The following PCDHA6 variants were observed in gnomAD, a reference collection of about 807,000 sequenced individuals.
The protein encoded by PCDHA6 is protocadherin alpha-6.
In PCDHA6, 55 loss-of-function variants were observed where a neutral mutation model predicts 60.3. The ratio of observed to expected loss-of-function variants is 0.91; its 90% CI spans 0.73 to 1.14. The LOEUF (loss-of-function observed/expected upper bound fraction) is 1.14. Among genes scored for constraint, PCDHA6 ranks in the 50% most tolerant of loss-of-function variants. The pLI is 0.00. For synonymous variants in PCDHA6, 652 were observed against 557.9 expected (o/e 1.17, Z -2.38); for missense variants, 1,327 against 1,256.5 (o/e 1.06, Z -0.85).
chr5:140,989,235 T>G (rs1408596966), intron 3 of PCDHA6, among the ~76,000 whole-genome samples: 1 of 152,204 alleles, frequency 6.6e-6, no homozygotes, highest in Non-Finnish European at 1.5e-5. Context: ...AGCTGAAGTT[T>G]TAAGCCCCTT....
At position 140,856,610 on chromosome 5, in the gene PCDHA6, G is replaced by A. The variant is rs782134319; in HGVS notation, c.2394+26125G>A. Reference sequence around the variant, plus strand: ...TGATATTATAAACAAAAAAGACAAAGACAAATTCCCAGTGCTTGTTCTGCG... The same window carrying A: ...TGATATTATAAACAAAAAAGACAAAAACAAATTCCCAGTGCTTGTTCTGCG... On this transcript the variant is annotated intron_variant, in intron 1 of 3. Transcript: ENST00000529310. 5 of 1,597,928 alleles carry A rather than the reference G, an allele frequency of 3.1e-6. No homozygotes were observed. The Admixed American group carries it at 5.1e-5, about 16-fold the overall frequency.
At chr5:140,857,904 T>C in intron 1 of PCDHA6, 2 of 1,597,710 alleles carry the variant, frequency 1.3e-6, no homozygotes, top group South Asian at 1.1e-5. Context: ...GGTGCACGCA[T>C]CCCGTTTCGC....
In PCDHA6 at chr5:140,927,058, C is replaced by G. The variant is rs376173105; in HGVS notation, c.2395-51891C>G. ...GGCCGCTATGTCCTCGCGGAACTTT[C>G]GCTTCCTTTCCAGCCACCGCGAGCT... On this transcript the variant is annotated intron_variant, in intron 1 of 3. Coordinates refer to ENST00000529310, the MANE Select transcript of PCDHA6 (RefSeq NM_018909.4). 17 of 1,611,136 alleles carry G rather than the reference C, an allele frequency of 1.1e-5. No homozygotes were observed. The South Asian group carries it at 1.2e-4, about 11-fold the overall frequency.
chr5:140,828,315 T>G lies in PCDHA6; in HGVS notation c.224T>G (p.Leu75Arg). Residue 75 changes from leucine (L) to arginine (R), a missense_variant, in exon 1 of 4, where the codon CTG (leucine) becomes CGG (arginine). Transcript: ENST00000529310. ...GCCTCCAAAGACCGCGAGGACCTTCTGGAGGTAAATCTGCAGAATGGCATT... is the reference window on the plus strand; with the variant it reads ...GCCTCCAAAGACCGCGAGGACCTTCGGGAGGTAAATCTGCAGAATGGCATT... Reference protein sequence around the residue: ...RMASKDREDLLEVNLQNGILF... With the variant: ...RMASKDREDLREVNLQNGILF... 6.2e-7 allele frequency: 1 copy of G among 1,614,172 alleles called. No homozygotes were observed. Among genetic ancestry groups the G allele is most frequent in the Non-Finnish European group, 8.5e-7 (1 of 1,180,034 alleles).
At chr5:140,979,175 A>C in intron 2 of PCDHA6, 168 bp downstream of exon 2, 8 of 951,628 alleles carry the variant, frequency 8.4e-6, no homozygotes, top group Non-Finnish European at 1.0e-5. Flanking sequence ...AAAGATCGCA[A>C]ATGGTCAGTG....
chr5:140,883,315 G>A (rs782377860), intron 1 of PCDHA6: 1 of 1,614,104 alleles, frequency 6.2e-7, no homozygotes, highest in Admixed American at 1.7e-5. Flanking sequence ...ACGCCCCAGA[G>A]GTTACCATCA....
At chr5:140,926,607 C>T (rs887450914) in intron 1 of PCDHA6, 1 of 348,974 alleles carries the variant, frequency 2.9e-6, no homozygotes, top group Non-Finnish European at 5.1e-6. Context: ...GGCCTCGTCT[C>T]TGCACCCCTA....
rs782722148 is a variant in PCDHA6, at chr5:140,857,308, T to A, written c.2394+26823T>A. 2 of 1,597,818 alleles carry A rather than the reference T, an allele frequency of 1.3e-6. 1 individual carries two copies. Among genetic ancestry groups the A allele is most frequent in the African/African-American group, 2.7e-5 (2 of 74,344 alleles). Reference sequence around the variant, plus strand: ...TGGACCGCGAGAGGGTGTCGGCCTATGAGCTGGTGGTGACCGCGCGGGACG... The same window carrying A: ...TGGACCGCGAGAGGGTGTCGGCCTAAGAGCTGGTGGTGACCGCGCGGGACG... On this transcript the variant is annotated intron_variant, in intron 1 of 3. Coordinates refer to ENST00000529310, the MANE Select transcript of PCDHA6 (RefSeq NM_018909.4).
intron 1 of PCDHA6, chr5:140,860,531 T>C (rs1488177116): frequency 1.3e-5 from 2 of 152,156 alleles, no homozygotes; most frequent in Non-Finnish European, 2.9e-5. Flanking sequence ...AATTCTGATT[T>C]GTAAGACAAA....
intron 1 of PCDHA6, among the ~76,000 whole-genome samples, chr5:140,840,453 A>C (rs1554137802): frequency 1.3e-5 from 2 of 152,010 alleles, no homozygotes; most frequent in African/African-American, 4.8e-5. Flanking sequence ...GAAACGTTAA[A>C]TAAAAAGTTG....
intron 1 of PCDHA6, chr5:140,866,690 A>G (rs1371582983): frequency 1.3e-5 from 2 of 152,178 alleles, no homozygotes; most frequent in Non-Finnish European, 2.9e-5. Flanking sequence ...CTGTTAGAAT[A>G]TCAGTGGATG....
chr5:140,916,220 A>G (rs886998484), intron 1 of PCDHA6, among the ~76,000 whole-genome samples: 11 of 152,084 alleles, frequency 7.2e-5, no homozygotes, highest in African/African-American at 2.7e-4. Context: ...AGATCCAAAT[A>G]TGCTTTCCAG....
intron 1 of PCDHA6, among the ~76,000 whole-genome samples, chr5:140,938,135 A>T (rs926775458): frequency 1.3e-5 from 2 of 152,198 alleles, no homozygotes; most frequent in Non-Finnish European, 2.9e-5. Flanking sequence ...AAATAGAGAT[A>T]GAGTCTCACT....
intron 1 of PCDHA6, chr5:140,859,995 A>C (rs1279929843): frequency 6.6e-6 from 1 of 152,046 alleles, no homozygotes; most frequent in Non-Finnish European, 1.5e-5. Context: ...CTCTCCATCA[A>C]TACTAACTTA....
rs181372488 is a variant in PCDHA6, at chr5:140,858,049, G to A, written c.2394+27564G>A. 14,822 of 1,597,442 alleles carry A rather than the reference G, an allele frequency of 9.3e-3. 1,340 individuals carry two copies. Among genetic ancestry groups the A allele is most frequent in the Non-Finnish European group, 0.012 (13,697 of 1,167,420 alleles). On this transcript the variant is annotated intron_variant, in intron 1 of 3. Transcript: ENST00000529310. Reference sequence around the variant, plus strand: ...CGGCCACGGCCACTGTGCTTGTGTCGCTTGTGGAGGGCAGCCAGGCACCCA... The same window carrying A: ...CGGCCACGGCCACTGTGCTTGTGTCACTTGTGGAGGGCAGCCAGGCACCCA...
chr5:140,975,120 C>T (rs2096654332), intron 1 of PCDHA6, among the ~76,000 whole-genome samples: 1 of 152,140 alleles, frequency 6.6e-6, no homozygotes, highest in African/African-American at 2.4e-5. Flanking sequence ...TGTTTTCCTA[C>T]TTACTATTGG....
At chr5:140,958,484 G>A (rs246009) in intron 1 of PCDHA6, among the ~76,000 whole-genome samples, 85,541 of 151,786 alleles carry the variant, frequency 0.56, 24,705 homozygotes, top group African/African-American at 0.69. Flanking sequence ...AGAGCACTAA[G>A]TCCACATATC....
At chr5:140,869,666 A>G (rs2051321419) in intron 1 of PCDHA6, 1 of 1,613,524 alleles carries the variant, frequency 6.2e-7, no homozygotes, top group East Asian at 2.2e-5. Context: ...AATGGTAAGC[A>G]GATTAAAAGA....
chr5:140,978,444 T>G (rs2096802589), intron 1 of PCDHA6, among the ~76,000 whole-genome samples: 1 of 152,248 alleles, frequency 6.6e-6, no homozygotes, highest in Non-Finnish European at 1.5e-5. Context: ...GTGTTATGAC[T>G]GGGCACATCC....
Sources: gnomAD v4.1 joint callset for allele counts (sites outside exome capture counted in the v4.1 genomes callset) on GRCh38, gnomAD v4.1.1 for gene constraint, MANE v1.5 for transcripts, NCBI Gene and HGNC (gene_info 2026-07-23, HGNC 2026-07-21) for gene names.